CNDP1: variants seen among roughly 807,000 people sequenced by gnomAD.
CNDP1 encodes the protein carnosine dipeptidase 1.
A neutral mutation model predicts 58.1 loss-of-function variants in CNDP1; 44 were observed. That is an observed-to-expected ratio of 0.76 (90% CI 0.60 to 0.97). The LOEUF (loss-of-function observed/expected upper bound fraction) is 0.97, where lower values mean the gene tolerates loss of function less well. Ranked by LOEUF, CNDP1 falls within the 50% of genes least tolerant of loss-of-function variation. The pLI is 0.00. For synonymous variants in CNDP1, 254 were observed against 252.6 expected, an observed-to-expected ratio of 1.01 and a Z score of -0.05; for missense variants, 616 against 655.1, an observed-to-expected ratio of 0.94 and a Z score of 0.65.
In CNDP1 at chr18:74,578,300, C is replaced by A. The variant is rs148980253; in HGVS notation, c.1140C>A (p.His380Gln). The A allele has an allele frequency of 1.5e-3, 2,458 of 1,611,098 alleles. 4 individuals are homozygous for A. The highest frequency in any genetic ancestry group is 2.0e-3 in the Non-Finnish European group (2,316 of 1,178,984). ...AATTTTCAATCCGTCTAGTCCCTCACATGAATGTGTCTGCGGTGGAAAAAC... is the reference window on the plus strand; with the variant it reads ...AATTTTCAATCCGTCTAGTCCCTCAAATGAATGTGTCTGCGGTGGAAAAAC... ...IGKFSIRLVP[H>Q]MNVSAVEKQV... Residue 380 changes from histidine (H) to glutamine (Q), a missense_variant, in exon 9 of 12, where the codon CAC becomes CAA. Physicochemically the swap from His to Gln is conservative, Grantham distance 24. Coordinates refer to ENST00000358821, the MANE Select transcript of CNDP1 (RefSeq NM_032649.6).
At chr18:74,560,444 A>C (rs1270766472) in intron 3 of CNDP1, among the ~76,000 whole-genome samples, 1 of 152,126 alleles carries the variant, frequency 6.6e-6, no homozygotes, top group Non-Finnish European at 1.5e-5. Context: ...GTGGCATCTC[A>C]CACTTGAAAT....
rs760042831 is a variant in CNDP1 at position 74,576,865 on chromosome 18, G to A, written c.842-4G>A. 6.2e-7 allele frequency: 1 copy of A among 1,604,016 alleles called. No homozygotes were observed. The highest frequency in any genetic ancestry group is 8.5e-7 in the Non-Finnish European group (1 of 1,175,748). ...TGGCTTTGTTTTCTGTGTGTGTTTT[G>A]TAGGTAGCCTGGTAGACTCGTCTGG... On this transcript the variant is annotated splice_region_variant and splice_polypyrimidine_tract_variant and intron_variant, in intron 7 of 11. Transcript: ENST00000358821.
At position 74,556,382 on chromosome 18, in the gene CNDP1, C is replaced by T. The variant is rs984465195; in HGVS notation, c.69C>T (p.Gly23=). Residue 23 remains glycine, a synonymous_variant, in exon 2 of 12, where the codon GGC becomes GGT. Transcript: ENST00000358821. ...LAVLLLLLER[G]MFSSPSPPPA... ...TGCTGCTGCTGCTGCTGGAGCGCGG[C>T]ATGTTCTCCTCACCCTCCCCGCCCC... 1.9e-6 allele frequency: 3 copies of T among 1,607,540 alleles called. No homozygotes were observed. Among genetic ancestry groups the T allele is most frequent in the African/African-American group, 1.3e-5 (1 of 74,880 alleles).
intron 1 of CNDP1, among the ~76,000 whole-genome samples, chr18:74,535,643 C>T (rs895205597): frequency 7.3e-6 from 1 of 136,570 alleles, no homozygotes; most frequent in Non-Finnish European, 1.5e-5. Context: ...TAGAAGAGGA[C>T]ATTTCACTGA....
intron 1 of CNDP1, among the ~76,000 whole-genome samples, chr18:74,543,827 G>A (rs1323529282): frequency 6.6e-6 from 1 of 152,202 alleles, no homozygotes; most frequent in Non-Finnish European, 1.5e-5. Flanking sequence ...GCTCACACCT[G>A]TAATACTAGC....
chr18:74,566,593 C>A (rs1981333301), intron 5 of CNDP1, among the ~76,000 whole-genome samples: 1 of 152,210 alleles, frequency 6.6e-6, no homozygotes, highest in African/African-American at 2.4e-5. Context: ...CAAGAGTCAC[C>A]TTTTCTCCAG....
intron 1 of CNDP1, among the ~76,000 whole-genome samples, chr18:74,546,696 A>ACTCAATTC (rs1341422361): frequency 3.3e-5 from 5 of 152,058 alleles, no homozygotes; most frequent in Non-Finnish European, 7.4e-5. Flanking sequence ...CGTGACTGGC[A>ACTCAATTC]CTCAATTCCT....
At chr18:74,568,949 G>A (rs1033532809) in intron 6 of CNDP1, among the ~76,000 whole-genome samples, 1 of 152,118 alleles carries the variant, frequency 6.6e-6, no homozygotes, top group Non-Finnish European at 1.5e-5. Flanking sequence ...GCTCATCAAG[G>A]TGTTGAGCAC....
At chr18:74,540,209 GTGCAA>G (rs1980584023) in intron 1 of CNDP1, among the ~76,000 whole-genome samples, 1 of 149,816 alleles carries the variant, frequency 6.7e-6, no homozygotes, top group African/African-American at 2.5e-5. Flanking sequence ...CCAGGCTAGA[GTGCAA>G]TGGCGCGATC....
At chr18:74,544,150 G>A (rs1174250170) in intron 1 of CNDP1, among the ~76,000 whole-genome samples, 4 of 152,136 alleles carry the variant, frequency 2.6e-5, no homozygotes, top group Non-Finnish European at 4.4e-5. Flanking sequence ...CACTCAGGAG[G>A]CACAGACAGA....
chr18:74,567,250 C>A lies in CNDP1; in HGVS notation c.573C>A (p.Ile191=). Residue 191 remains isoleucine, a synonymous_variant, in exon 6 of 12, where the codon ATC becomes ATA. Transcript: ENST00000358821. ...TTACTTAGGATCTTCCTGTGAATAT[C>A]AAATTCATCATTGAGGGGATGGAAG... ...RALEQDLPVN[I]KFIIEGMEEA... is the part of the protein sequence containing the mutation. 1 of 1,614,074 alleles carries A rather than the reference C, an allele frequency of 6.2e-7. No individual in the cohort carries two copies. The highest frequency in any genetic ancestry group is 2.2e-5 in the East Asian group (1 of 44,890).
intron 3 of CNDP1, among the ~76,000 whole-genome samples, chr18:74,560,083 C>A (rs1035734045): frequency 1.6e-4 from 23 of 146,982 alleles, no homozygotes; most frequent in Non-Finnish European, 1.3e-4. Flanking sequence ...AATCTCAGCT[C>A]ACTGCAACCT....
At chr18:74,536,727 C>A (rs1483410936) in intron 1 of CNDP1, among the ~76,000 whole-genome samples, 1 of 152,184 alleles carries the variant, frequency 6.6e-6, no homozygotes, top group Non-Finnish European at 1.5e-5. Flanking sequence ...ACACTGCTTT[C>A]CACAATAATT....
Position 74,545,233 on chromosome 18 carries a change from G to C in CNDP1, c.24+10542G>C, listed in dbSNP as rs149646030. 4.4e-4 allele frequency among the ~76,000 whole-genome samples: 67 copies of C among 152,294 alleles called. No homozygotes were observed. Among genetic ancestry groups the C allele is most frequent in the African/African-American group, 1.6e-3 (65 of 41,562 alleles). ...GATGGGAAAGCCCCGCCCTCTCCTCGAATCTGCCTTGTTCTCGACTTTACA... is the reference window on the plus strand; with the variant it reads ...GATGGGAAAGCCCCGCCCTCTCCTCCAATCTGCCTTGTTCTCGACTTTACA... On this transcript the variant is annotated intron_variant, in intron 1 of 11. Transcript: ENST00000358821. This position sits in a 1 kb window ranked among gnomAD's most constrained non-coding sequence, Gnocchi z 4.1.
intron 8 of CNDP1, 87 bp from the exon 9 acceptor site, chr18:74,578,076 T>G (rs578018373): frequency 8.1e-7 from 1 of 1,232,972 alleles, no homozygotes; most frequent in Non-Finnish European, 1.1e-6. Flanking sequence ...GAATGGTGTC[T>G]CAGAGAGGCA....
At chr18:74,550,662 T>G (rs1335420405) in intron 1 of CNDP1, among the ~76,000 whole-genome samples, 1 of 150,550 alleles carries the variant, frequency 6.6e-6, no homozygotes, top group Non-Finnish European at 1.5e-5. Flanking sequence ...CTACAAGCTC[T>G]GCCTCCTGGG....
chr18:74,550,757 T>G (rs1980884037), intron 1 of CNDP1, among the ~76,000 whole-genome samples: 1 of 151,418 alleles, frequency 6.6e-6, no homozygotes, highest in Admixed American at 6.6e-5. Context: ...TTTTTTTTGT[T>G]TTTTGTTTTT....
At chr18:74,548,766 G>A (rs1276584987) in intron 1 of CNDP1, among the ~76,000 whole-genome samples, 1 of 152,230 alleles carries the variant, frequency 6.6e-6, no homozygotes, top group Non-Finnish European at 1.5e-5. Context: ...AGTGATGTGT[G>A]CAGTGAAGTC....
intron 1 of CNDP1, among the ~76,000 whole-genome samples, chr18:74,543,944 C>T (rs538298780): frequency 2.6e-5 from 4 of 151,858 alleles, no homozygotes; most frequent in African/African-American, 7.2e-5. Context: ...AATCAGTCCA[C>T]GTATGGTGGC....
Sources: gnomAD v4.1 joint callset for allele counts (sites outside exome capture counted in the v4.1 genomes callset) on GRCh38, gnomAD v4.1.1 for gene constraint, Gnocchi (gnomAD v3.1) non-coding constraint, MANE v1.5 for transcripts, NCBI Gene and HGNC (gene_info 2026-07-23, HGNC 2026-07-21) for gene names.